The following MECOM variants were observed in gnomAD, a reference collection of about 807,000 sequenced individuals.
The protein encoded by MECOM is histone-lysine N-methyltransferase MECOM.
Under a neutral mutation model 116.3 loss-of-function variants are expected in MECOM, and 13 were observed. The ratio of observed to expected loss-of-function variants is 0.11; its 90% CI spans 0.07 to 0.18. The LOEUF (loss-of-function observed/expected upper bound fraction) is 0.18. MECOM is among the 10% of genes least tolerant of loss of function. MECOM has a pLI of 1.00. For synonymous variants in MECOM, 528 were observed against 535.2 expected, an observed-to-expected ratio of 0.99 and a Z score of 0.19; for missense variants, 1,299 against 1,509.0, an observed-to-expected ratio of 0.86 and a Z score of 2.31.
intron 2 of MECOM, among the ~76,000 whole-genome samples, chr3:169,297,495 G>A (rs1715835658): frequency 2.0e-5 from 3 of 149,880 alleles, no homozygotes; most frequent in Admixed American, 6.7e-5. Flanking sequence ...TATTGACCAT[G>A]TAAGGTTGTT....
At chr3:169,614,139 TTCTC>T (rs1027403552) in intron 1 of MECOM, among the ~76,000 whole-genome samples, 1 of 150,180 alleles carries the variant, frequency 6.7e-6, no homozygotes, top group Non-Finnish European at 1.5e-5. Flanking sequence ...CTCTCTCTCT[TTCTC>T]TCTCTCATCT....
intron 2 of MECOM, among the ~76,000 whole-genome samples, chr3:169,191,746 G>GAA (rs1225913218): frequency 5.8e-5 from 7 of 120,768 alleles, no homozygotes; most frequent in East Asian, 4.5e-4. Context: ...GAAAGAGAAA[G>GAA]AAAGAAAGAA....
At chr3:169,089,328 T>C in intron 15 of MECOM, 145 bp from the exon 16 acceptor site, 1 of 494,080 alleles carries the variant, frequency 2.0e-6, no homozygotes, top group South Asian at 7.1e-5. Context: ...ATTGGGTTTT[T>C]ATAAATACTT....
intron 2 of MECOM, among the ~76,000 whole-genome samples, chr3:169,267,663 G>C (rs1758472944): frequency 6.6e-6 from 1 of 152,106 alleles, no homozygotes; most frequent in Admixed American, 6.5e-5. Flanking sequence ...GACTGGAAAA[G>C]GGCCTCCCTT....
chr3:169,216,914 TA>T (rs1751493230), intron 2 of MECOM, among the ~76,000 whole-genome samples: 1 of 151,154 alleles, frequency 6.6e-6, no homozygotes, highest in Admixed American at 6.6e-5. Flanking sequence ...CGGAGTTACT[TA>T]AAACAGAATA....
intron 16 of MECOM, among the ~76,000 whole-genome samples, chr3:169,086,751 A>G (rs933247313): frequency 6.6e-6 from 1 of 152,228 alleles, no homozygotes; most frequent in African/African-American, 2.4e-5. Context: ...TGCAAAATGC[A>G]GCTACTATTG....
rs958241057 is a variant in MECOM, at chr3:169,247,862, A to G, written c.376-104030T>C. Among the ~76,000 whole-genome samples, 100 of 152,212 alleles carry G rather than the reference A, an allele frequency of 6.6e-4. 1 individual carries two copies. Among genetic ancestry groups the G allele is most frequent in the African/African-American group, 2.4e-3 (100 of 41,458 alleles). On this transcript the variant is annotated intron_variant, in intron 2 of 16. Transcript: ENST00000651503. ...ATCTTTGGACATTAAGACTGTCTGC[A>G]CAAAAATTTCTCTAAATTACTTTGT... is the stretch of plus-strand genomic sequence containing the variant.
intron 1 of MECOM, among the ~76,000 whole-genome samples, chr3:169,386,712 T>C (rs1733380267): frequency 1.3e-5 from 2 of 152,164 alleles, no homozygotes; most frequent in South Asian, 2.1e-4. Context: ...TTAACATAAA[T>C]TTTTATTGTC....
At chr3:169,130,530 T>C (rs1734347942) in intron 4 of MECOM, among the ~76,000 whole-genome samples, 1 of 117,920 alleles carries the variant, frequency 8.5e-6, no homozygotes, top group Non-Finnish European at 1.6e-5. Flanking sequence ...AGAGGCAGAA[T>C]GCAGTCCAAA....
chr3:169,518,156 G>A (rs904209472), intron 1 of MECOM, among the ~76,000 whole-genome samples: 1 of 152,078 alleles, frequency 6.6e-6, no homozygotes, highest in Non-Finnish European at 1.5e-5. Flanking sequence ...CTACTTGGGA[G>A]GCTGAGGCAG....
chr3:169,290,083 C>T lies in MECOM; in HGVS notation c.375+91104G>A, dbSNP rs562351597. ...ACAGTAACCTTAAGTATATCAGCCC[C>T]GATACTACCCTAAACAATAGTGTTG... On this transcript the variant is annotated intron_variant, in intron 2 of 16. Coordinates refer to ENST00000651503, the MANE Select transcript of MECOM (RefSeq NM_004991.4). Among the ~76,000 whole-genome samples the T allele has an allele frequency of 2.6e-5, 4 of 152,100 alleles. No homozygotes were observed. In the South Asian group the frequency reaches 8.3e-4, roughly 32 times the overall value.
intron 2 of MECOM, among the ~76,000 whole-genome samples, chr3:169,348,082 A>T (rs540896415): frequency 1.3e-5 from 2 of 152,170 alleles, no homozygotes; most frequent in South Asian, 4.1e-4. Flanking sequence ...CTTAAAAAAA[A>T]ATATTTCTAG....
At chr3:169,247,040 A>G (rs75633201) in intron 2 of MECOM, among the ~76,000 whole-genome samples, 2 of 152,186 alleles carry the variant, frequency 1.3e-5, no homozygotes, top group African/African-American at 2.4e-5. Context: ...CCATTTTTAC[A>G]TATTAGTAAA....
intron 1 of MECOM, among the ~76,000 whole-genome samples, chr3:169,534,587 T>A (rs1252630494): frequency 6.6e-6 from 1 of 152,214 alleles, no homozygotes; most frequent in Non-Finnish European, 1.5e-5. Context: ...ACAGGACACT[T>A]GGCTACCCAT....
chr3:169,102,382 G>A (rs1285408150), intron 10 of MECOM, among the ~76,000 whole-genome samples, 156 bp from the exon 11 acceptor site: 5 of 152,200 alleles, frequency 3.3e-5, no homozygotes, highest in African/African-American at 1.2e-4. Flanking sequence ...AACAACAACA[G>A]AATTGATTTA....
At chr3:169,656,485 A>C (rs1775559241) in intron 1 of MECOM, among the ~76,000 whole-genome samples, 1 of 152,194 alleles carries the variant, frequency 6.6e-6, no homozygotes, top group African/African-American at 2.4e-5. Flanking sequence ...TTTGATTAAA[A>C]ATTCAGTTCC....
intron 1 of MECOM, among the ~76,000 whole-genome samples, chr3:169,385,103 C>CAAAA (rs751654546): frequency 3.7e-5 from 3 of 81,318 alleles, no homozygotes; most frequent in Non-Finnish European, 4.6e-5. Context: ...GACCCTGTCT[C>CAAAA]AAAAAAAAAA....
intron 1 of MECOM, among the ~76,000 whole-genome samples, chr3:169,471,628 C>T (rs1222768118): frequency 1.3e-5 from 2 of 152,264 alleles, no homozygotes; most frequent in East Asian, 1.9e-4. Flanking sequence ...CATGATACTG[C>T]ACTACATTGC....
At chr3:169,249,942 C>T (rs771782848) in intron 2 of MECOM, among the ~76,000 whole-genome samples, 4 of 152,140 alleles carry the variant, frequency 2.6e-5, no homozygotes, top group Non-Finnish European at 5.9e-5. Flanking sequence ...TACAAGGAAA[C>T]GTTGTGAGCA....
Sources: gnomAD v4.1 joint callset for allele counts (sites outside exome capture counted in the v4.1 genomes callset) on GRCh38, gnomAD v4.1.1 for gene constraint, MANE v1.5 for transcripts, NCBI Gene and HGNC (gene_info 2026-07-23, HGNC 2026-07-21) for gene names.